The following WWOX variants were observed in gnomAD, a reference collection of about 807,000 sequenced individuals.
The protein encoded by WWOX is WW domain containing oxidoreductase.
In WWOX, 69 loss-of-function variants were observed where a neutral mutation model predicts 46.2. That is an observed-to-expected ratio of 1.49 (90% CI 1.23 to 1.82). WWOX has a LOEUF of 1.82. Ranked by LOEUF, WWOX falls within the 40% of genes most tolerant of loss-of-function variation. The pLI, the probability that WWOX is intolerant of heterozygous loss-of-function variation, is 0.00. For synonymous variants in WWOX, 359 were observed against 202.6 expected (o/e 1.77, Z -6.56); for missense variants, 919 against 542.6 (o/e 1.69, Z -6.89).
intron 8 of WWOX, chr16:78,996,200 A>G: frequency 3.0e-6 from 3 of 984,472 alleles, no homozygotes; most frequent in Middle Eastern, 5.2e-4. Context: ...ATCTCCATTT[A>G]GAAATTTTTG....
chr16:78,828,567 TTTA>T lies in WWOX; in HGVS notation c.1057-383037_1057-383035del, dbSNP rs2051725579. ...AATAATTTAATTTATAACTATATCA[TTTA>T]TTAAGGTCCTACTATATACCAAATT... On this transcript the variant is annotated intron_variant, in intron 8 of 8. Transcript: ENST00000566780. 2.6e-5 allele frequency among the ~76,000 whole-genome samples: 4 copies of T among 151,750 alleles called. No individual in the cohort carries two copies. The South Asian group carries it at 8.3e-4, about 31-fold the overall frequency.
At chr16:79,057,252 A>C (rs1356853015) in intron 8 of WWOX, among the ~76,000 whole-genome samples, 1 of 152,192 alleles carries the variant, frequency 6.6e-6, no homozygotes, top group Non-Finnish European at 1.5e-5. Flanking sequence ...CAGTCTTCCA[A>C]TGGCAAACTT....
At chr16:78,905,753 A>C (rs1482472848) in intron 8 of WWOX, among the ~76,000 whole-genome samples, 1 of 152,234 alleles carries the variant, frequency 6.6e-6, no homozygotes, top group East Asian at 1.9e-4. Flanking sequence ...AAATGTGAGC[A>C]GAATAGTATC....
At chr16:78,241,797 G>A (rs1242096872) in intron 5 of WWOX, among the ~76,000 whole-genome samples, 1 of 152,192 alleles carries the variant, frequency 6.6e-6, no homozygotes, top group Non-Finnish European at 1.5e-5. Context: ...GATTCACTTG[G>A]CTCAGAGAGG....
intron 8 of WWOX, among the ~76,000 whole-genome samples, chr16:78,455,514 G>C (rs1018412636): frequency 6.6e-6 from 1 of 151,500 alleles, no homozygotes; most frequent in Non-Finnish European, 1.5e-5. Flanking sequence ...GTGGTAGTGT[G>C]TGCCTGTAGT....
chr16:79,202,887 G>T (rs2051389512), intron 8 of WWOX: 1 of 152,172 alleles, frequency 6.6e-6, no homozygotes, highest in African/African-American at 2.4e-5. Context: ...TGAGTAGTCA[G>T]CACATGCATA....
At chr16:78,538,098 A>T (rs2043803037) in intron 8 of WWOX, among the ~76,000 whole-genome samples, 1 of 151,828 alleles carries the variant, frequency 6.6e-6, no homozygotes, top group African/African-American at 2.4e-5. Context: ...TAATTATTTT[A>T]TTTGGAAGAA....
intron 8 of WWOX, among the ~76,000 whole-genome samples, chr16:78,879,946 C>A (rs1164759477): frequency 6.6e-6 from 1 of 151,764 alleles, no homozygotes; most frequent in African/African-American, 2.4e-5. Context: ...TGGTATTATC[C>A]TTTAGTTTAA....
chr16:78,246,169 T>G (rs1325000082), intron 5 of WWOX, among the ~76,000 whole-genome samples: 1 of 152,208 alleles, frequency 6.6e-6, no homozygotes, highest in African/African-American at 2.4e-5. Flanking sequence ...TCTGTTGCCA[T>G]TGAAACATTG....
intron 8 of WWOX, among the ~76,000 whole-genome samples, chr16:78,490,348 A>G (rs1198150274): frequency 2.0e-5 from 3 of 152,182 alleles, no homozygotes; most frequent in Non-Finnish European, 4.4e-5. Context: ...TCTATTTTAA[A>G]GGGACCTCAT....
At chr16:78,967,424 C>G (rs140990104) in intron 8 of WWOX, among the ~76,000 whole-genome samples, 2 of 146,216 alleles carry the variant, frequency 1.4e-5, no homozygotes, top group South Asian at 2.2e-4. Context: ...GCTGGGACCA[C>G]AAGTATGCAC....
intron 8 of WWOX, among the ~76,000 whole-genome samples, chr16:78,668,808 G>A (rs2047393224): frequency 1.3e-5 from 2 of 152,126 alleles, no homozygotes; most frequent in Non-Finnish European, 2.9e-5. Flanking sequence ...CAGCAGCTCA[G>A]ACATGGGCAC....
At chr16:79,014,203 A>G (rs1309715185) in intron 8 of WWOX, among the ~76,000 whole-genome samples, 1 of 152,046 alleles carries the variant, frequency 6.6e-6, no homozygotes, top group Non-Finnish European at 1.5e-5. Context: ...AAGGTTTTCA[A>G]CATCTTCCCG....
At chr16:78,557,574 A>T (rs1374368763) in intron 8 of WWOX, among the ~76,000 whole-genome samples, 1 of 152,050 alleles carries the variant, frequency 6.6e-6, no homozygotes, top group Non-Finnish European at 1.5e-5. Flanking sequence ...AGGGAGTGGC[A>T]CTATAGCTGA....
At chr16:78,735,187 C>T (rs1279314189) in intron 8 of WWOX, among the ~76,000 whole-genome samples, 4 of 151,982 alleles carry the variant, frequency 2.6e-5, no homozygotes, top group African/African-American at 9.7e-5. Flanking sequence ...CTTTTCCTGC[C>T]TTCAGACTTG....
chr16:79,043,386 G>T (rs987708116), intron 8 of WWOX, among the ~76,000 whole-genome samples: 2 of 152,068 alleles, frequency 1.3e-5, no homozygotes, highest in African/African-American at 2.4e-5. Flanking sequence ...TGTTCTTTGT[G>T]GATTCTGAGG....
chr16:78,665,052 C>A (rs1406380563), intron 8 of WWOX, among the ~76,000 whole-genome samples: 2 of 152,194 alleles, frequency 1.3e-5, no homozygotes, highest in Non-Finnish European at 2.9e-5. Context: ...CATTACACTA[C>A]AAAGGGCTGC....
At chr16:78,209,613 C>T (rs2036496413) in intron 5 of WWOX, among the ~76,000 whole-genome samples, 1 of 152,082 alleles carries the variant, frequency 6.6e-6, no homozygotes, top group South Asian at 2.1e-4. Flanking sequence ...AATCTAATAC[C>T]TTCCATCCAG....
chr16:78,372,068 G>A (rs1369552542), intron 5 of WWOX, among the ~76,000 whole-genome samples: 1 of 152,146 alleles, frequency 6.6e-6, no homozygotes, highest in African/African-American at 2.4e-5. Flanking sequence ...TCACGGCTAT[G>A]CCTAATTGTG....
Sources: gnomAD v4.1 joint callset for allele counts (sites outside exome capture counted in the v4.1 genomes callset) on GRCh38, gnomAD v4.1.1 for gene constraint, MANE v1.5 for transcripts, NCBI Gene and HGNC (gene_info 2026-07-23, HGNC 2026-07-21) for gene names.